MEIOB: variants seen among roughly 807,000 people sequenced by gnomAD.
The protein encoded by MEIOB is meiosis-specific with OB domain-containing protein.
Under a neutral mutation model 53.1 loss-of-function variants are expected in MEIOB, and 50 were observed. The ratio of observed to expected loss-of-function variants is 0.94; its 90% CI spans 0.75 to 1.19. The LOEUF (loss-of-function observed/expected upper bound fraction) is 1.19, where lower values mean the gene tolerates loss of function less well. Among genes scored for constraint, MEIOB ranks in the 50% most tolerant of loss-of-function variants. The pLI, the probability that MEIOB is intolerant of heterozygous loss-of-function variation, is 0.00. For missense variants in MEIOB, 551 were observed against 550.8 expected (o/e 1.00, Z 0.00); for synonymous variants, 192 against 182.5 (o/e 1.05, Z -0.42).
chr16:1,844,863 A>G lies in MEIOB; in HGVS notation c.879T>C (p.Asn293=), dbSNP rs748087466. 4 of 1,505,320 alleles carry G rather than the reference A, an allele frequency of 2.7e-6. No individual in the cohort carries two copies. Among genetic ancestry groups the G allele is most frequent in the Non-Finnish European group, 3.7e-6 (4 of 1,091,146 alleles). 93.2% of individuals were successfully genotyped at this position (1,505,320 alleles called of 1,614,324 possible). Residue 293 remains asparagine (N), a splice_region_variant and synonymous_variant, in exon 10 of 14, where the codon AAT becomes AAC. Transcript: ENST00000325962. The part of the protein sequence containing the change: ...EIDSYFKESI[N]LSTIVDVYTV... Reference sequence around the variant, plus strand: ...AAATATATTTAAACGGTCACTTACAATTTATGGATTCTTTGAAATAACTGT... The same window carrying G: ...AAATATATTTAAACGGTCACTTACAGTTTATGGATTCTTTGAAATAACTGT...
At chr16:1,859,761 G>T (rs111902317) in intron 5 of MEIOB, among the ~76,000 whole-genome samples, 7 of 152,204 alleles carry the variant, frequency 4.6e-5, no homozygotes, top group African/African-American at 1.7e-4. Flanking sequence ...CCCTTTACAG[G>T]CTGGTACAGG....
At chr16:1,844,066 A>G (rs930480435) in intron 10 of MEIOB, among the ~76,000 whole-genome samples, 2 of 152,060 alleles carry the variant, frequency 1.3e-5, no homozygotes, top group Non-Finnish European at 2.9e-5. Flanking sequence ...AGATAGATTA[A>G]AAGATGTTAA....
At chr16:1,870,018 T>A (rs1014436466) in intron 1 of MEIOB, among the ~76,000 whole-genome samples, 11 of 151,814 alleles carry the variant, frequency 7.2e-5, no homozygotes, top group Non-Finnish European at 1.0e-4. Context: ...ACTACAGGCA[T>A]GTGTCACCTC....
intron 1 of MEIOB, among the ~76,000 whole-genome samples, chr16:1,869,102 T>A (rs1399112293): frequency 6.6e-6 from 1 of 152,146 alleles, no homozygotes; most frequent in Non-Finnish European, 1.5e-5. Flanking sequence ...TTTAGTTTTA[T>A]TTTATTTTTT....
Position 1,841,853 on chromosome 16 carries a change from T to C in MEIOB, c.1001A>G (p.Asp334Gly). The C allele has an allele frequency of 5.0e-6, 8 of 1,596,362 alleles. No individual in the cohort carries two copies. Among genetic ancestry groups the C allele is most frequent in the Non-Finnish European group, 6.8e-6 (8 of 1,172,666 alleles). Residue 334 changes from aspartate to glycine, a missense_variant, in exon 11 of 14, where the codon GAT (aspartate) becomes GGT (glycine). Asp to Gly is a moderately conservative substitution (Grantham distance 94). Transcript: ENST00000325962. ...TCGAACTACTTTTGTAGTTTCATCATCAATGTTGAGTGTGGAAATGTAGGC... is the reference window on the plus strand; with the variant it reads ...TCGAACTACTTTTGTAGTTTCATCACCAATGTTGAGTGTGGAAATGTAGGC... Reference protein sequence around the residue: ...LYAYISTLNIDDETTKVVRNR... With the variant: ...LYAYISTLNIGDETTKVVRNR...
intron 5 of MEIOB, among the ~76,000 whole-genome samples, chr16:1,858,178 G>A (rs1484522646): frequency 6.6e-6 from 1 of 152,162 alleles, no homozygotes; most frequent in East Asian, 1.9e-4. Flanking sequence ...TCTTGCCCAA[G>A]ACTCTGCGCT....
At position 1,854,219 on chromosome 16, in the gene MEIOB, T is replaced by C; in HGVS notation, c.529-19A>G. ...CTCCAACCTTAGAAATGGAAATAAA[T>C]CATTACTCTTCACCTATATGTAGAA... On this transcript the variant is annotated intron_variant, in intron 6 of 13. Transcript: ENST00000325962. The C allele has an allele frequency of 7.3e-7, 1 of 1,373,490 alleles. No individual in the cohort carries two copies. Among genetic ancestry groups the C allele is most frequent in the Non-Finnish European group, 1.0e-6 (1 of 988,724 alleles). The allele number at this position is 1,373,490 out of a possible 1,614,324, so 85.1% of individuals were successfully genotyped here.
At chr16:1,858,730 G>A (rs420694) in intron 5 of MEIOB, among the ~76,000 whole-genome samples, 125,666 of 152,168 alleles carry the variant, frequency 0.83, 52,014 homozygotes, top group Middle Eastern at 0.9. Context: ...CCTCCTGCCC[G>A]TGCCCTGCAT....
At chr16:1,838,923 C>T (rs957586702) in intron 12 of MEIOB, among the ~76,000 whole-genome samples, 9 of 152,168 alleles carry the variant, frequency 5.9e-5, no homozygotes, top group Admixed American at 5.2e-4. Flanking sequence ...AACTCCTGAC[C>T]TCAAGTGATC....
intron 1 of MEIOB, among the ~76,000 whole-genome samples, 193 bp from the exon 2 acceptor site, chr16:1,868,377 C>T (rs566366825): frequency 1.4e-4 from 21 of 151,772 alleles, no homozygotes; most frequent in Admixed American, 4.6e-4. Context: ...GCCATCATGG[C>T]GAAACCTCAC....
At chr16:1,843,903 A>C (rs1165577499) in intron 10 of MEIOB, among the ~76,000 whole-genome samples, 1 of 152,042 alleles carries the variant, frequency 6.6e-6, no homozygotes, top group Non-Finnish European at 1.5e-5. Context: ...ATGAGAACTT[A>C]TCCGGTTCCT....
chr16:1,871,322 C>T (rs1417458110), intron 1 of MEIOB, among the ~76,000 whole-genome samples: 8 of 137,138 alleles, frequency 5.8e-5, no homozygotes, highest in Non-Finnish European at 1.6e-5. Flanking sequence ...CGGGTTCACG[C>T]CATTCTCCTG....
chr16:1,852,550 C>T (rs1188640925), intron 9 of MEIOB, among the ~76,000 whole-genome samples: 5 of 150,778 alleles, frequency 3.3e-5, no homozygotes, highest in African/African-American at 9.8e-5. Flanking sequence ...TGTGAGCCAC[C>T]GCGCCAGCCT....
chr16:1,846,218 G>A (rs1899023145), intron 9 of MEIOB, among the ~76,000 whole-genome samples: 1 of 152,198 alleles, frequency 6.6e-6, no homozygotes, highest in Admixed American at 6.5e-5. Flanking sequence ...GAATTGCTGT[G>A]CTTCAGATGG....
intron 9 of MEIOB, among the ~76,000 whole-genome samples, chr16:1,851,706 T>C (rs1899176883): frequency 6.6e-6 from 1 of 152,196 alleles, no homozygotes; most frequent in African/African-American, 2.4e-5. Context: ...ACACCATTCC[T>C]CATAGTAATT....
At chr16:1,845,029 T>A (rs4598914) in intron 9 of MEIOB, 66 bp from the exon 10 acceptor site, 113,841 of 715,286 alleles carry the variant, frequency 0.16, 10,228 homozygotes, top group South Asian at 0.25. Flanking sequence ...ATTTAAATCA[T>A]CCAAAATCAT....
chr16:1,851,461 C>G (rs1899171143), intron 9 of MEIOB, among the ~76,000 whole-genome samples: 1 of 152,138 alleles, frequency 6.6e-6, no homozygotes. Context: ...TATTTATTCT[C>G]TGTCTCTCCC....
At chr16:1,839,573 C>T (rs1274251553) in intron 11 of MEIOB, 135 bp from the exon 12 acceptor site, 17 of 728,792 alleles carry the variant, frequency 2.3e-5, no homozygotes, top group Middle Eastern at 4.0e-4. Flanking sequence ...GCTATGCGGT[C>T]TACAAGACAG....
intron 12 of MEIOB, among the ~76,000 whole-genome samples, chr16:1,838,841 G>C (rs897064669): frequency 6.6e-6 from 1 of 152,074 alleles, no homozygotes; most frequent in African/African-American, 2.4e-5. Flanking sequence ...ACAAGTGCAC[G>C]TCACCACACC....
Sources: allele counts gnomAD v4.1 joint callset (sites outside exome capture counted in the v4.1 genomes callset), GRCh38; gene constraint gnomAD v4.1.1; transcripts MANE v1.5; gene names NCBI Gene and HGNC (gene_info 2026-07-23, HGNC 2026-07-21).